The following STK3 variants were observed in gnomAD, a reference collection of about 807,000 sequenced individuals.
STK3 encodes the protein serine/threonine-protein kinase 3.
Under a neutral mutation model 58.0 loss-of-function variants are expected in STK3, and 41 were observed. That is an observed-to-expected ratio of 0.71 (90% CI 0.55 to 0.92). The LOEUF (loss-of-function observed/expected upper bound fraction) is 0.92, where lower values mean the gene tolerates loss of function less well. Among genes scored for constraint, STK3 ranks in the 40% least tolerant of loss-of-function variants. The pLI, the probability that STK3 is intolerant of heterozygous loss-of-function variation, is 0.00. For synonymous variants in STK3, 170 were observed against 191.0 expected, an observed-to-expected ratio of 0.89 and a Z score of 0.91; for missense variants, 479 against 602.7, an observed-to-expected ratio of 0.79 and a Z score of 2.15.
At chr8:98,584,790 T>C in intron 7 of STK3, among the ~76,000 whole-genome samples, 1 of 149,026 alleles carries the variant, frequency 6.7e-6, no homozygotes, top group Admixed American at 6.7e-5. Context: ...TGATTGCCAT[T>C]CTAACTGGTG....
chr8:98,515,046 T>C (rs1356652910), intron 10 of STK3, among the ~76,000 whole-genome samples: 1 of 152,134 alleles, frequency 6.6e-6, no homozygotes, highest in Non-Finnish European at 1.5e-5. Context: ...CTAAATGATC[T>C]AATCTAGATG....
chr8:98,926,992 C>G (rs899071920), intron 1 of STK3, among the ~76,000 whole-genome samples: 3 of 152,124 alleles, frequency 2.0e-5, no homozygotes, highest in Admixed American at 2.0e-4. Context: ...GGGCCACAGC[C>G]AGGCAAAATG....
intron 4 of STK3, among the ~76,000 whole-genome samples, chr8:98,723,470 C>T (rs1827579388): frequency 6.6e-6 from 1 of 152,086 alleles, no homozygotes; most frequent in Admixed American, 6.6e-5. Flanking sequence ...AATACACCCA[C>T]CAACTTGTCT....
chr8:98,365,139 A>G, the STK3 span, among the ~76,000 whole-genome samples: 2 of 152,178 alleles, frequency 1.3e-5, no homozygotes, highest in East Asian at 3.8e-4. Flanking sequence ...GAATATTACC[A>G]TACCGATGCA....
At chr8:98,416,364 GTTTTTTTTTTT>G (rs57447680) in intron 3 of STK3, among the ~76,000 whole-genome samples, 1 of 79,532 alleles carries the variant, frequency 1.3e-5, no homozygotes, top group East Asian at 3.6e-4. Flanking sequence ...GTTTGAAACT[GTTTTTTTTTTT>G]TTTTTTTTTT....
At chr8:98,497,996 G>T (rs187032834) in intron 10 of STK3, among the ~76,000 whole-genome samples, 32 of 152,266 alleles carry the variant, frequency 2.1e-4, no homozygotes, top group African/African-American at 7.2e-4. Context: ...GTTCACAACA[G>T]CATTATTCAT....
intron 4 of STK3, among the ~76,000 whole-genome samples, chr8:98,726,301 A>T (rs192056122): frequency 6.6e-6 from 1 of 152,360 alleles, no homozygotes; most frequent in East Asian, 1.9e-4. Context: ...TAGAAGGGAT[A>T]GTCTATGTAG....
chr8:98,736,481 CATAA>C (rs1218664160), intron 4 of STK3, among the ~76,000 whole-genome samples: 1 of 152,140 alleles, frequency 6.6e-6, no homozygotes, highest in Non-Finnish European at 1.5e-5. Flanking sequence ...GGAGGTAATA[CATAA>C]ACTCTGTTTA....
At chr8:98,790,028 C>CAAAAAAAAA (rs530630466) in intron 1 of STK3, among the ~76,000 whole-genome samples, 1 of 88,712 alleles carries the variant, frequency 1.1e-5, no homozygotes, top group Non-Finnish European at 2.2e-5. Context: ...GACTTCATCT[C>CAAAAAAAAA]AAAAAAAAAA....
At chr8:98,893,758 C>A (rs1838349352) in intron 1 of STK3, among the ~76,000 whole-genome samples, 1 of 152,168 alleles carries the variant, frequency 6.6e-6, no homozygotes, top group Non-Finnish European at 1.5e-5. Flanking sequence ...GTGGCTCCAC[C>A]CACAGCTGGC....
downstream of STK3, among the ~76,000 whole-genome samples, chr8:98,400,159 C>T (rs1817928997): frequency 6.6e-6 from 1 of 152,182 alleles, no homozygotes; most frequent in South Asian, 2.1e-4. Context: ...GAGTCAGAGT[C>T]AGTGACAAGC....
chr8:98,871,430 G>C (rs1427140298), intron 3 of STK3, among the ~76,000 whole-genome samples: 2 of 152,126 alleles, frequency 1.3e-5, no homozygotes, highest in Non-Finnish European at 2.9e-5. Context: ...AAATTTCCTT[G>C]GGCAGTATGG....
At chr8:98,719,217 C>A (rs1827234396) in intron 4 of STK3, among the ~76,000 whole-genome samples, 1 of 152,110 alleles carries the variant, frequency 6.6e-6, no homozygotes, top group South Asian at 2.1e-4. Flanking sequence ...ATCCTCCACT[C>A]TTTGTATAAA....
chr8:98,625,985 T>A (rs904472970), intron 6 of STK3, among the ~76,000 whole-genome samples: 1 of 152,150 alleles, frequency 6.6e-6, no homozygotes, highest in Middle Eastern at 3.2e-3. Flanking sequence ...ATCTACCACG[T>A]CATGGTAATG....
chr8:98,508,067 G>A (rs953980038), intron 10 of STK3, among the ~76,000 whole-genome samples: 2 of 152,100 alleles, frequency 1.3e-5, no homozygotes, highest in Non-Finnish European at 2.9e-5. Context: ...GCTTTGTGAA[G>A]GTAGAGATTT....
chr8:98,779,874 CAATGAATG>C (rs750252961), intron 1 of STK3, among the ~76,000 whole-genome samples: 211 of 150,938 alleles, frequency 1.4e-3, no homozygotes, highest in African/African-American at 3.2e-3. Flanking sequence ...ATATATAAGT[CAATGAATG>C]AATGAATGAA....
Position 98,749,318 on chromosome 8 carries a change from G to C in STK3, c.309C>G (p.Gly103=). 6.2e-7 allele frequency: 1 copy of C among 1,608,764 alleles called. No individual in the cohort carries two copies. The highest frequency in any genetic ancestry group is 8.5e-7 in the Non-Finnish European group (1 of 1,176,854). ...TDLWIVMEYC[G]AGSVSDIIRL... is the part of the protein sequence containing the mutation. ...TAATTATGTCTGAGACAGAGCCAGC[G>C]CCACAGTACTCCATAACAATCCAGA... The change falls in exon 4 of 11, where the codon GGC becomes GGG. Residue 103 remains glycine (G), a synonymous_variant. Transcript: ENST00000419617.
chr8:98,436,423 C>T (rs936776987), intron 2 of STK3, among the ~76,000 whole-genome samples: 2 of 152,210 alleles, frequency 1.3e-5, no homozygotes, highest in Non-Finnish European at 2.9e-5. Flanking sequence ...TGGAATTTCC[C>T]ACTTCACTCC....
chr8:98,745,344 C>T (rs944752872), intron 4 of STK3, among the ~76,000 whole-genome samples: 2 of 152,028 alleles, frequency 1.3e-5, no homozygotes, highest in Non-Finnish European at 2.9e-5. Flanking sequence ...CTCCCTTAGC[C>T]TTTGGGGGTA....
Sources: allele counts gnomAD v4.1 joint callset (sites outside exome capture counted in the v4.1 genomes callset), GRCh38; gene constraint gnomAD v4.1.1; transcripts MANE v1.5; gene names NCBI Gene and HGNC (gene_info 2026-07-23, HGNC 2026-07-21).